Variants in CSMD3 observed in about 807,000 individuals in gnomAD.
CSMD3 encodes CUB and sushi domain-containing protein 3.
In CSMD3, 177 loss-of-function variants were observed where a neutral mutation model predicts 435.2. That is an observed-to-expected ratio of 0.41 (90% CI 0.36 to 0.46). CSMD3 has a LOEUF of 0.46. Ranked by LOEUF, CSMD3 falls within the 20% of genes least tolerant of loss-of-function variation. CSMD3 has a pLI of 0.34. For missense variants in CSMD3, 4,265 were observed against 4,504.6 expected (o/e 0.95, Z 1.52); for synonymous variants, 1,656 against 1,520.5 (o/e 1.09, Z -2.07).
At chr8:112,472,805 A>G in intron 31 of CSMD3, 98 bp from the exon 32 acceptor site, 1 of 713,416 alleles carries the variant, frequency 1.4e-6, no homozygotes. Context: ...GGCTAATGGA[A>G]TTTAAGGTGT....
At chr8:113,106,671 C>A (rs1187508508) in intron 4 of CSMD3, among the ~76,000 whole-genome samples, 1 of 152,118 alleles carries the variant, frequency 6.6e-6, no homozygotes, top group Non-Finnish European at 1.5e-5. Context: ...ATCCGAAATT[C>A]ATGTTCCACT....
chr8:113,048,483 C>T (rs917333963), intron 5 of CSMD3, among the ~76,000 whole-genome samples: 5 of 152,108 alleles, frequency 3.3e-5, no homozygotes, highest in African/African-American at 1.2e-4. Flanking sequence ...CCACAGAATT[C>T]ATGCTTTTGT....
intron 4 of CSMD3, among the ~76,000 whole-genome samples, chr8:113,169,132 T>C (rs1403224020): frequency 5.3e-5 from 8 of 152,312 alleles, no homozygotes; most frequent in African/African-American, 1.4e-4. Flanking sequence ...CAAAGTTTTT[T>C]GGCAGGAGAA....
intron 1 of CSMD3, among the ~76,000 whole-genome samples, chr8:113,353,310 T>A (rs1218115767): frequency 6.7e-6 from 1 of 149,734 alleles, no homozygotes; most frequent in African/African-American, 2.4e-5. Context: ...CTACTCATAT[T>A]TTTTTAAAAA....
intron 31 of CSMD3, among the ~76,000 whole-genome samples, chr8:112,490,170 G>A (rs978389704): frequency 2.0e-5 from 3 of 152,036 alleles, no homozygotes; most frequent in African/African-American, 7.2e-5. Context: ...TTCTCTATAT[G>A]TGTTGTGTTT....
At chr8:112,398,471 A>G (rs1298072345) in intron 35 of CSMD3, among the ~76,000 whole-genome samples, 3 of 152,210 alleles carry the variant, frequency 2.0e-5, no homozygotes, top group African/African-American at 7.2e-5. Context: ...AGGCAATGCT[A>G]AAGGTGTGGG....
At chr8:112,952,858 T>C (rs1283366615) in intron 8 of CSMD3, among the ~76,000 whole-genome samples, 3 of 151,570 alleles carry the variant, frequency 2.0e-5, no homozygotes, top group African/African-American at 7.2e-5. Flanking sequence ...TTAAACAAGA[T>C]ATTTTTATTA....
At chr8:113,350,408 A>G (rs967863085) in intron 1 of CSMD3, among the ~76,000 whole-genome samples, 1 of 152,168 alleles carries the variant, frequency 6.6e-6, no homozygotes, top group Non-Finnish European at 1.5e-5. Flanking sequence ...CAATCGTGGT[A>G]AGAACTGTTA....
chr8:112,591,643 A>G (rs1374150688), intron 22 of CSMD3, among the ~76,000 whole-genome samples: 1 of 152,146 alleles, frequency 6.6e-6, no homozygotes, highest in Admixed American at 6.5e-5. Flanking sequence ...CAAAAAACTT[A>G]GAATGTTTTT....
intron 1 of CSMD3, among the ~76,000 whole-genome samples, chr8:113,397,856 A>ATAAG: frequency 6.6e-6 from 1 of 150,558 alleles, no homozygotes. Context: ...AAATAAATAA[A>ATAAG]TAAATAAATA....
intron 5 of CSMD3, among the ~76,000 whole-genome samples, chr8:113,021,327 C>G (rs2086676430): frequency 6.6e-6 from 1 of 152,258 alleles, no homozygotes; most frequent in South Asian, 2.1e-4. Flanking sequence ...AATAGTAACT[C>G]AGTGAAAAAC....
chr8:113,017,620 T>G (rs943687491), intron 6 of CSMD3, among the ~76,000 whole-genome samples: 7 of 151,864 alleles, frequency 4.6e-5, no homozygotes, highest in African/African-American at 1.7e-4. Context: ...TAACTAATTG[T>G]AGAAAGGAAT....
chr8:112,434,351 T>C (rs1814073955), intron 32 of CSMD3, among the ~76,000 whole-genome samples: 1 of 152,112 alleles, frequency 6.6e-6, no homozygotes, highest in African/African-American at 2.4e-5. Flanking sequence ...TATACCAAAT[T>C]GGTTGTTTGA....
At chr8:113,072,832 T>C (rs2089182920) in intron 5 of CSMD3, among the ~76,000 whole-genome samples, 1 of 151,538 alleles carries the variant, frequency 6.6e-6, no homozygotes. Flanking sequence ...TGTTGGTCTT[T>C]AACCTGGGTA....
At chr8:113,348,319 C>G (rs1413645610) in intron 1 of CSMD3, among the ~76,000 whole-genome samples, 1 of 152,080 alleles carries the variant, frequency 6.6e-6, no homozygotes, top group Non-Finnish European at 1.5e-5. Flanking sequence ...AAAATGGAAG[C>G]ACAGGGCATT....
chr8:112,994,489 C>T (rs2131034312), intron 6 of CSMD3, among the ~76,000 whole-genome samples: 1 of 151,614 alleles, frequency 6.6e-6, no homozygotes, highest in Non-Finnish European at 1.5e-5. Context: ...AATTATCATA[C>T]AGGAAATTAG....
At chr8:113,366,344 C>T (rs1324089481) in intron 1 of CSMD3, among the ~76,000 whole-genome samples, 1 of 151,902 alleles carries the variant, frequency 6.6e-6, no homozygotes, top group Non-Finnish European at 1.5e-5. Context: ...CTAATACATT[C>T]ATTTTGCTTC....
Position 113,348,851 on chromosome 8 carries a change from T to C in CSMD3, c.179-34058A>G, listed in dbSNP as rs947648028. The stretch of plus-strand genomic sequence containing the variant: ...TTTAGTGTGTGTATAAATTAAAATG[T>C]ATTCATTTTAGACCTTTACACAATA... On this transcript the variant is annotated intron_variant, in intron 1 of 70. Transcript: ENST00000297405. Among the ~76,000 whole-genome samples, 4 of 152,122 alleles carry C rather than the reference T, an allele frequency of 2.6e-5. No individual in the cohort carries two copies. In the South Asian group the frequency reaches 8.3e-4, roughly 32 times the overall value.
intron 1 of CSMD3, among the ~76,000 whole-genome samples, chr8:113,366,008 T>C (rs1332911055): frequency 1.3e-5 from 2 of 152,020 alleles, no homozygotes; most frequent in Admixed American, 6.6e-5. Context: ...AGAATACTTT[T>C]ATTCACATGC....
Sources: allele counts gnomAD v4.1 joint callset (sites outside exome capture counted in the v4.1 genomes callset), GRCh38; gene constraint gnomAD v4.1.1; transcripts MANE v1.5; gene names NCBI Gene and HGNC (gene_info 2026-07-23, HGNC 2026-07-21).